LRFN5: variants seen among roughly 807,000 people sequenced by gnomAD.
LRFN5 encodes the protein leucine-rich repeat and fibronectin type-III domain-containing protein 5.
Under a neutral mutation model 45.6 loss-of-function variants are expected in LRFN5, and 24 were observed. The observed-to-expected ratio is 0.53, with a 90% CI of 0.38 to 0.74. LRFN5 has a LOEUF of 0.74. LRFN5 is among the 30% of genes least tolerant of loss of function. LRFN5 has a pLI of 0.00. For synonymous variants in LRFN5, 340 were observed against 313.8 expected (o/e 1.08, Z -0.88); for missense variants, 776 against 861.5 (o/e 0.90, Z 1.24).
intron 2 of LRFN5, among the ~76,000 whole-genome samples, chr14:41,794,322 T>C (rs930264745): frequency 6.6e-6 from 1 of 152,044 alleles, no homozygotes; most frequent in African/African-American, 2.4e-5. Flanking sequence ...TGCCTGAAAA[T>C]ATGACATTTT....
chr14:41,765,686 G>A (rs919694677), intron 1 of LRFN5, among the ~76,000 whole-genome samples: 17 of 152,214 alleles, frequency 1.1e-4, no homozygotes, highest in Admixed American at 9.8e-4. Context: ...GTATGTCCCA[G>A]TTATTCTAAA....
In LRFN5 at chr14:41,887,883, A is replaced by C. The variant is rs754995043; in HGVS notation, c.1258A>C (p.Lys420Gln). The change falls in exon 3 of 6, where the codon AAA becomes CAA. Residue 420 changes from lysine to glutamine, a missense_variant. Transcript: ENST00000298119. This position sits in a 1 kb window ranked among gnomAD's most constrained non-coding sequence, Gnocchi z 4.8. ...SNGDTKLSQD[K>Q]IVVAEATSST... ...TGGTGATACTAAATTGAGTCAAGAT[A>C]AAATTGTGGTGGCAGAAGCTACATC... 1.2e-6 allele frequency: 2 copies of C among 1,614,000 alleles called. No homozygotes were observed. Among genetic ancestry groups the C allele is most frequent in the African/African-American group, 2.7e-5 (2 of 74,910 alleles).
At chr14:41,839,219 T>C (rs555076905) in intron 2 of LRFN5, among the ~76,000 whole-genome samples, 1 of 152,246 alleles carries the variant, frequency 6.6e-6, no homozygotes, top group Non-Finnish European at 1.5e-5. Context: ...ATAAACAAAA[T>C]AATTCTCAGA....
intron 1 of LRFN5, among the ~76,000 whole-genome samples, chr14:41,693,547 A>G (rs572584315): frequency 6.6e-5 from 10 of 152,070 alleles, no homozygotes; most frequent in African/African-American, 2.4e-4. Context: ...GTTTTTTTGT[A>G]GAAATTTAAT....
At chr14:41,761,379 A>G (rs73315086) in intron 1 of LRFN5, among the ~76,000 whole-genome samples, 3,891 of 152,208 alleles carry the variant, frequency 0.026, 162 homozygotes, top group African/African-American at 0.088. Context: ...TACGGTATGT[A>G]GATAAAAAGT....
At chr14:41,762,676 A>T (rs1388543435) in intron 1 of LRFN5, among the ~76,000 whole-genome samples, 1 of 152,102 alleles carries the variant, frequency 6.6e-6, no homozygotes, top group Non-Finnish European at 1.5e-5. Flanking sequence ...AATAAAATAG[A>T]ATTTCCTATC....
chr14:41,666,864 A>G lies in LRFN5; in HGVS notation c.-197+58302A>G, dbSNP rs534932269. On this transcript the variant is annotated intron_variant, in intron 1 of 5. Transcript: ENST00000298119. ...TATGCAACAGTGATAGTTAACCTAA[A>G]TTGCAATAAATGGACTCTTCCTTCA... 3.9e-5 allele frequency among the ~76,000 whole-genome samples: 6 copies of G among 152,252 alleles called. No homozygotes were observed. The East Asian group carries it at 1.2e-3, about 29-fold the overall frequency.
At chr14:41,650,797 A>G (rs1010402898) in intron 1 of LRFN5, among the ~76,000 whole-genome samples, 6 of 151,886 alleles carry the variant, frequency 4.0e-5, no homozygotes, top group African/African-American at 1.5e-4. Flanking sequence ...ATTTAAACCA[A>G]CATGTTCACT....
intron 2 of LRFN5, among the ~76,000 whole-genome samples, chr14:41,846,849 A>C (rs933399174): frequency 3.9e-5 from 6 of 152,110 alleles, no homozygotes; most frequent in Admixed American, 3.3e-4. Context: ...TCAGGTCAGG[A>C]CCATTCCTAA....
intron 1 of LRFN5, among the ~76,000 whole-genome samples, chr14:41,739,962 C>A (rs1187680356): frequency 2.0e-5 from 3 of 149,810 alleles, no homozygotes; most frequent in African/African-American, 7.3e-5. Flanking sequence ...AATAAAATTC[C>A]TAGAAACATG....
intron 1 of LRFN5, among the ~76,000 whole-genome samples, chr14:41,704,440 C>CTGTGTGTGTGTGTGTGTG (rs1207281360): frequency 2.2e-3 from 270 of 125,302 alleles, no homozygotes; most frequent in African/African-American, 5.9e-3. Flanking sequence ...CTCTCTCTCT[C>CTGTGTGTGTGTGTGTGTG]TCTCTCTCTG....
chr14:41,750,615 C>T (rs1885091059), intron 1 of LRFN5, among the ~76,000 whole-genome samples: 2 of 152,032 alleles, frequency 1.3e-5, no homozygotes, highest in South Asian at 4.1e-4. Flanking sequence ...AATTATTTGG[C>T]TAATGCATGT....
chr14:41,756,259 T>A (rs1321795278), intron 1 of LRFN5, among the ~76,000 whole-genome samples: 3 of 152,180 alleles, frequency 2.0e-5, no homozygotes, highest in African/African-American at 7.2e-5. Context: ...GTTGCTCTTC[T>A]CGAGGAGTAT....
intron 1 of LRFN5, among the ~76,000 whole-genome samples, chr14:41,691,639 A>G (rs1882382911): frequency 6.6e-6 from 1 of 152,110 alleles, no homozygotes; most frequent in Non-Finnish European, 1.5e-5. Context: ...TAAAATACAT[A>G]GATCTTAAAT....
At chr14:41,621,230 C>A (rs149404957) in intron 1 of LRFN5, among the ~76,000 whole-genome samples, 110 of 152,076 alleles carry the variant, frequency 7.2e-4, no homozygotes, top group African/African-American at 2.3e-3. Context: ...GTCCCTATAT[C>A]CCCTGTGTGA....
At chr14:41,895,935 AT>A (rs1228013938) in intron 4 of LRFN5, among the ~76,000 whole-genome samples, 1 of 152,032 alleles carries the variant, frequency 6.6e-6, no homozygotes, top group Non-Finnish European at 1.5e-5. Context: ...AATGTGATCC[AT>A]TTGTCTCCAG....
At chr14:41,789,848 A>AT (rs1363217731) in intron 2 of LRFN5, among the ~76,000 whole-genome samples, 2 of 151,826 alleles carry the variant, frequency 1.3e-5, no homozygotes, top group Non-Finnish European at 1.5e-5. Flanking sequence ...TTTTAAATGT[A>AT]TTTTTTGACT....
intron 1 of LRFN5, among the ~76,000 whole-genome samples, chr14:41,728,862 A>T (rs1884048723): frequency 6.6e-6 from 1 of 152,198 alleles, no homozygotes; most frequent in African/African-American, 2.4e-5. Flanking sequence ...TCAAAAATTG[A>T]TCAAGCATGT....
intron 1 of LRFN5, among the ~76,000 whole-genome samples, chr14:41,689,444 T>A (rs1387623850): frequency 6.7e-6 from 1 of 149,010 alleles, no homozygotes; most frequent in Non-Finnish European, 1.5e-5. Context: ...CTTACAGAAA[T>A]TTTTTTAAAA....
Sources: allele counts gnomAD v4.1 joint callset (sites outside exome capture counted in the v4.1 genomes callset), GRCh38; gene constraint gnomAD v4.1.1; non-coding constraint Gnocchi (gnomAD v3.1); transcripts MANE v1.5; gene names NCBI Gene and HGNC (gene_info 2026-07-23, HGNC 2026-07-21).